Variants in NBEA observed in about 807,000 individuals in gnomAD.
The protein encoded by NBEA is lysosomal-trafficking regulator 2.
A neutral mutation model predicts 343.4 loss-of-function variants in NBEA; 44 were observed. That is an observed-to-expected ratio of 0.13 (90% CI 0.10 to 0.16). The LOEUF (loss-of-function observed/expected upper bound fraction) is 0.16, where lower values mean the gene tolerates loss of function less well. Among genes scored for constraint, NBEA ranks in the 10% least tolerant of loss-of-function variants. The probability of loss-of-function intolerance (pLI) is 1.00; values close to 1 mark genes in which losing one functional copy is unlikely to be tolerated. For missense variants in NBEA, 2,555 were observed against 3,631.3 expected (o/e 0.70, Z 7.62); for synonymous variants, 1,175 against 1,238.7 (o/e 0.95, Z 1.08).
At chr13:35,579,977 G>T (rs942001989) in intron 45 of NBEA, among the ~76,000 whole-genome samples, 1 of 152,058 alleles carries the variant, frequency 6.6e-6, no homozygotes, top group Non-Finnish European at 1.5e-5. Flanking sequence ...ATTTCCCGTA[G>T]ATTTTATAAG....
At chr13:35,607,205 A>C (rs1187402179) in intron 48 of NBEA, among the ~76,000 whole-genome samples, 1 of 152,148 alleles carries the variant, frequency 6.6e-6, no homozygotes, top group African/African-American at 2.4e-5. Context: ...AAATGCCACC[A>C]TGCCAAGTTA....
At chr13:35,473,178 G>A (rs913765186) in intron 41 of NBEA, among the ~76,000 whole-genome samples, 1 of 152,264 alleles carries the variant, frequency 6.6e-6, no homozygotes, top group Admixed American at 6.5e-5. Flanking sequence ...AAATGTTATT[G>A]TGTAGATTTT....
intron 35 of NBEA, among the ~76,000 whole-genome samples, chr13:35,296,908 T>C (rs61947448): frequency 0.011 from 1,601 of 152,196 alleles, 20 homozygotes; most frequent in Non-Finnish European, 0.015. Context: ...GTACATTTCC[T>C]CATGATCATT....
At chr13:35,581,579 T>G (rs968097562) in intron 45 of NBEA, among the ~76,000 whole-genome samples, 3 of 151,918 alleles carry the variant, frequency 2.0e-5, no homozygotes, top group Non-Finnish European at 1.5e-5. Context: ...TCATGTCCTT[T>G]GTAGGGACAT....
intron 38 of NBEA, among the ~76,000 whole-genome samples, chr13:35,401,762 T>G (rs2043011905): frequency 6.6e-6 from 1 of 152,036 alleles, no homozygotes; most frequent in African/African-American, 2.4e-5. Flanking sequence ...TCATTTTATG[T>G]TCATTATTTA....
chr13:35,308,504 A>ATATATGTG (rs2037099468), intron 35 of NBEA, among the ~76,000 whole-genome samples: 1 of 115,614 alleles, frequency 8.6e-6, no homozygotes, highest in African/African-American at 3.6e-5. Flanking sequence ...ATATGTGTAT[A>ATATATGTG]TATATATGTG....
chr13:34,969,853 A>G (rs905125528), intron 1 of NBEA, among the ~76,000 whole-genome samples: 1 of 152,092 alleles, frequency 6.6e-6, no homozygotes, highest in Admixed American at 6.6e-5. Flanking sequence ...GCTGCAGTGA[A>G]CATATGCATG....
intron 38 of NBEA, among the ~76,000 whole-genome samples, chr13:35,400,649 C>T (rs1290934905): frequency 6.6e-6 from 1 of 151,968 alleles, no homozygotes; most frequent in Non-Finnish European, 1.5e-5. Flanking sequence ...ACCCTCCCTC[C>T]CCTTACTGCC....
chr13:35,480,392 A>G (rs546207833), intron 41 of NBEA, among the ~76,000 whole-genome samples: 15 of 152,256 alleles, frequency 9.9e-5, no homozygotes, highest in African/African-American at 3.6e-4. Context: ...CATGTTCACA[A>G]ATCTCAGTAA....
intron 48 of NBEA, among the ~76,000 whole-genome samples, chr13:35,607,060 T>C (rs1237794372): frequency 6.6e-6 from 1 of 152,184 alleles, no homozygotes; most frequent in Admixed American, 6.5e-5. Flanking sequence ...TTTTTTTGTT[T>C]TGTTTTACAG....
chr13:35,404,252 G>A (rs1277177006), intron 38 of NBEA, among the ~76,000 whole-genome samples: 1 of 151,778 alleles, frequency 6.6e-6, no homozygotes, highest in African/African-American at 2.4e-5. Context: ...CCCATTACTG[G>A]GTATATACCC....
At chr13:34,984,474 G>A (rs958052271) in intron 1 of NBEA, among the ~76,000 whole-genome samples, 3 of 152,296 alleles carry the variant, frequency 2.0e-5, no homozygotes, top group Admixed American at 6.5e-5. Flanking sequence ...AAGTCACTTA[G>A]TGTGATGCCT....
In NBEA at chr13:35,387,149, A is replaced by G. The variant is rs529058299; in HGVS notation, c.6179+34826A>G. 5.3e-4 allele frequency among the ~76,000 whole-genome samples: 80 copies of G among 152,268 alleles called. 1 individual carries two copies. Among genetic ancestry groups the G allele is most frequent in the African/African-American group, 1.9e-3 (77 of 41,568 alleles). On this transcript the variant is annotated intron_variant, in intron 38 of 58. Coordinates refer to ENST00000379939, the MANE Select transcript of NBEA (RefSeq NM_001385012.1). The stretch of plus-strand genomic sequence containing the variant: ...TTGTAACAACTATTTTTATCCCTGT[A>G]TATAAAATACCTGTGTGTATAATCA...
intron 38 of NBEA, among the ~76,000 whole-genome samples, chr13:35,360,861 T>C (rs1234759906): frequency 6.6e-6 from 1 of 151,798 alleles, no homozygotes; most frequent in Non-Finnish European, 1.5e-5. Flanking sequence ...TGGGATAATA[T>C]CACACAAAAC....
chr13:35,537,097 A>G lies in NBEA; in HGVS notation c.6586-13380A>G, dbSNP rs1424597451. On this transcript the variant is annotated intron_variant, in intron 41 of 58. Coordinates refer to ENST00000379939, the MANE Select transcript of NBEA (RefSeq NM_001385012.1). ...TCTGAGTAAGTAAGCAGTAGTGTCT[A>G]CTATAGAGTTTCTTTTAAGAAAGCA... Among the ~76,000 whole-genome samples the G allele has an allele frequency of 2.0e-5, 3 of 152,280 alleles. No individual in the cohort carries two copies. The East Asian group carries it at 5.8e-4, about 30-fold the overall frequency.
chr13:35,047,060 T>A (rs2152561780), intron 4 of NBEA, among the ~76,000 whole-genome samples: 1 of 152,278 alleles, frequency 6.6e-6, no homozygotes, highest in East Asian at 1.9e-4. Flanking sequence ...AAATATTCCC[T>A]GTTTTAAAAA....
intron 28 of NBEA, among the ~76,000 whole-genome samples, chr13:35,179,359 C>G (rs1377963316): frequency 1.3e-5 from 2 of 151,166 alleles, no homozygotes; most frequent in Non-Finnish European, 3.0e-5. Flanking sequence ...TAAAGCAGAC[C>G]GGAGAAACAT....
intron 41 of NBEA, among the ~76,000 whole-genome samples, chr13:35,481,812 G>A (rs530865115): frequency 6.6e-6 from 1 of 151,846 alleles, no homozygotes; most frequent in Admixed American, 6.5e-5. Flanking sequence ...ATGTATGTAT[G>A]ATTTTACATA....
intron 38 of NBEA, among the ~76,000 whole-genome samples, chr13:35,406,965 T>TC (rs1473698107): frequency 2.1e-5 from 3 of 145,522 alleles, no homozygotes; most frequent in Non-Finnish European, 4.6e-5. Flanking sequence ...TCTTTGCTCT[T>TC]TTTTTTTTTT....
Sources: allele counts gnomAD v4.1 joint callset (sites outside exome capture counted in the v4.1 genomes callset), GRCh38; gene constraint gnomAD v4.1.1; transcripts MANE v1.5; gene names NCBI Gene and HGNC (gene_info 2026-07-23, HGNC 2026-07-21).